Variants in FSTL4 observed in about 807,000 individuals in gnomAD.
FSTL4 encodes follistatin like 4, also known as follistatin-related protein 4.
A neutral mutation model predicts 78.2 loss-of-function variants in FSTL4; 28 were observed. The ratio of observed to expected loss-of-function variants is 0.36; its 90% confidence interval spans 0.27 to 0.49. FSTL4 has a LOEUF of 0.49. FSTL4 is among the 20% of genes least tolerant of loss of function. The pLI is 0.98. For missense variants in FSTL4, 922 were observed against 1,084.9 expected, an observed-to-expected ratio of 0.85 and a Z score of 2.11; for synonymous variants, 422 against 440.5, an observed-to-expected ratio of 0.96 and a Z score of 0.53.
At chr5:133,650,183 A>C in the FSTL4 span, among the ~76,000 whole-genome samples, 1 of 150,430 alleles carries the variant, frequency 6.6e-6, no homozygotes, top group Non-Finnish European at 1.5e-5. Context: ...AGAGGGCATT[A>C]ATCTATTCAT....
At chr5:133,836,961 T>A in the FSTL4 span, among the ~76,000 whole-genome samples, 6 of 152,200 alleles carry the variant, frequency 3.9e-5, no homozygotes, top group Admixed American at 3.9e-4. Context: ...GGGTTCATAG[T>A]GCTTCTTGAA....
At chr5:133,518,575 T>A (rs1215642972) in intron 3 of FSTL4, among the ~76,000 whole-genome samples, 1 of 152,196 alleles carries the variant, frequency 6.6e-6, no homozygotes, top group African/African-American at 2.4e-5. Context: ...GACACTATAG[T>A]TCTAAAGATC....
chr5:133,390,937 C>T (rs1755833739), intron 4 of FSTL4, among the ~76,000 whole-genome samples: 1 of 152,174 alleles, frequency 6.6e-6, no homozygotes, highest in African/African-American at 2.4e-5. Context: ...ACAGCCGAGC[C>T]CCCAGGCCTC....
At chr5:133,301,190 C>G (rs1177229579) in intron 6 of FSTL4, among the ~76,000 whole-genome samples, 1 of 152,150 alleles carries the variant, frequency 6.6e-6, no homozygotes, top group East Asian at 1.9e-4. Context: ...GGGGAAGACA[C>G]AAAGACTCCA....
the FSTL4 span, among the ~76,000 whole-genome samples, chr5:133,700,856 A>T: frequency 0.012 from 1,900 of 152,324 alleles, 49 homozygotes; most frequent in African/African-American, 0.042. Context: ...GAAAGAAGTT[A>T]TTCCCGGCCT....
the FSTL4 span, among the ~76,000 whole-genome samples, chr5:133,700,030 G>A: frequency 2.0e-5 from 3 of 152,102 alleles, no homozygotes; most frequent in Non-Finnish European, 2.9e-5. Flanking sequence ...ATTTGCCCGC[G>A]GTCTTCATTC....
At chr5:133,578,277 G>A (rs1760327871) in intron 2 of FSTL4, among the ~76,000 whole-genome samples, 1 of 152,208 alleles carries the variant, frequency 6.6e-6, no homozygotes, top group Non-Finnish European at 1.5e-5. Flanking sequence ...TGCCCATGAG[G>A]GCAAAGCCTC....
Position 133,217,349 on chromosome 5 carries a change from AT to A in FSTL4, c.1487del (p.Asn496MetfsTer26). 1 of 1,613,974 alleles carries A rather than the reference AT, an allele frequency of 6.2e-7. No individual in the cohort carries two copies. The highest frequency in any genetic ancestry group is 8.5e-7 in the Non-Finnish European group (1 of 1,179,968). ...YEEICPQREK[N>X]ATQPCQWVSA... ...ATACCCACTGGCAGGGCTGGGTTGC[AT>A]TTTTTTCTCTTTGAGGACAGATTTC... On this transcript the variant is annotated frameshift_variant, in exon 13 of 16. Transcript: ENST00000265342. LOFTEE classifies it high-confidence loss of function.
chr5:133,840,794 C>T, the FSTL4 span, among the ~76,000 whole-genome samples: 1 of 152,252 alleles, frequency 6.6e-6, no homozygotes, highest in Non-Finnish European at 1.5e-5. Context: ...GGAGATAAAT[C>T]ACTCGCTTGT....
chr5:133,462,209 G>GC (rs1757607221), intron 3 of FSTL4, among the ~76,000 whole-genome samples: 1 of 152,304 alleles, frequency 6.6e-6, no homozygotes, highest in African/African-American at 2.4e-5. Flanking sequence ...GTCCCCTCTG[G>GC]CCCCCCAGAT....
chr5:133,791,773 C>A, the FSTL4 span, among the ~76,000 whole-genome samples: 18 of 152,260 alleles, frequency 1.2e-4, no homozygotes, highest in African/African-American at 3.9e-4. Flanking sequence ...AGCTCCCCTC[C>A]TCCTCCTCTG....
chr5:133,817,564 G>T, the FSTL4 span, among the ~76,000 whole-genome samples: 9 of 152,190 alleles, frequency 5.9e-5, no homozygotes, highest in Non-Finnish European at 1.3e-4. Context: ...TCTGTCCCAG[G>T]AGCTGGCAGC....
chr5:133,837,716 T>C, the FSTL4 span, among the ~76,000 whole-genome samples: 1 of 152,144 alleles, frequency 6.6e-6, no homozygotes, highest in Non-Finnish European at 1.5e-5. Flanking sequence ...GAACCACAAT[T>C]TTCCCCTGAA....
rs546557517 is a variant in FSTL4, at chr5:133,236,912, C to T, written c.895-3375G>A. ...CTTACCTTGTTTGCTGTCTGTCTTC[C>T]CCTGCAGAATGTGAGCTCTGCAGAG... On this transcript the variant is annotated intron_variant, in intron 7 of 15. Coordinates refer to ENST00000265342, the MANE Select transcript of FSTL4 (RefSeq NM_015082.2). The surrounding 1 kb of genome is among the most constrained non-coding windows in gnomAD (Gnocchi z 5.0). Among the ~76,000 whole-genome samples, 37 of 152,316 alleles carry T rather than the reference C, an allele frequency of 2.4e-4. No homozygotes were observed. The East Asian group carries it at 7.2e-3, about 29-fold the overall frequency.
chr5:133,787,796 C>T, the FSTL4 span, among the ~76,000 whole-genome samples: 1 of 152,180 alleles, frequency 6.6e-6, no homozygotes, highest in Non-Finnish European at 1.5e-5. Context: ...CACTTAGAGG[C>T]TGCCTGTCCT....
chr5:133,603,003 C>T (rs1026644147), intron 2 of FSTL4, among the ~76,000 whole-genome samples: 13 of 152,176 alleles, frequency 8.5e-5, no homozygotes, highest in African/African-American at 2.9e-4. Flanking sequence ...AAAAAGAGAA[C>T]GGCAGGCATC....
chr5:133,509,459 C>T (rs1362307401), intron 3 of FSTL4, among the ~76,000 whole-genome samples: 1 of 152,196 alleles, frequency 6.6e-6, no homozygotes, highest in Non-Finnish European at 1.5e-5. Flanking sequence ...CTCCTCCTTG[C>T]TCATTTCAGC....
intron 3 of FSTL4, among the ~76,000 whole-genome samples, chr5:133,409,304 C>T (rs911117013): frequency 2.0e-5 from 3 of 152,334 alleles, no homozygotes; most frequent in East Asian, 1.9e-4. Flanking sequence ...TCAAAGGCAT[C>T]CCCTGACCTG....
At chr5:133,709,379 T>C in the FSTL4 span, among the ~76,000 whole-genome samples, 1 of 152,268 alleles carries the variant, frequency 6.6e-6, no homozygotes, top group Non-Finnish European at 1.5e-5. Context: ...ATTTGACTTC[T>C]ATAATACTTG....
Sources: gnomAD v4.1 joint callset for allele counts (sites outside exome capture counted in the v4.1 genomes callset) on GRCh38, gnomAD v4.1.1 for gene constraint, Gnocchi (gnomAD v3.1) non-coding constraint, MANE v1.5 for transcripts, NCBI Gene and HGNC (gene_info 2026-07-23, HGNC 2026-07-21) for gene names.